The following OXR1 variants were observed in gnomAD, a reference collection of about 807,000 sequenced individuals.
OXR1 encodes oxidation resistance protein 1.
Under a neutral mutation model 104.6 loss-of-function variants are expected in OXR1, and 41 were observed. The observed-to-expected ratio is 0.39, with a 90% CI of 0.31 to 0.51. OXR1 has a LOEUF of 0.51. Among genes scored for constraint, OXR1 ranks in the 20% least tolerant of loss-of-function variants. The pLI is 0.77. For missense variants in OXR1, 955 were observed against 1,031.9 expected (o/e 0.93, Z 1.02); for synonymous variants, 348 against 348.4 (o/e 1.00, Z 0.01).
chr8:106,311,944 C>T (rs1748934066), intron 1 of OXR1, among the ~76,000 whole-genome samples: 1 of 152,044 alleles, frequency 6.6e-6, no homozygotes, highest in South Asian at 2.1e-4. Context: ...TGTTTCCCTT[C>T]TTATTCTCAT....
intron 3 of OXR1, among the ~76,000 whole-genome samples, chr8:106,606,791 T>C (rs1016294219): frequency 6.6e-6 from 1 of 152,094 alleles, no homozygotes; most frequent in African/African-American, 2.4e-5. Context: ...ATTCACAGAT[T>C]CCAGGGATCA....
intron 2 of OXR1, among the ~76,000 whole-genome samples, chr8:106,467,712 AT>A (rs1821249583): frequency 1.3e-5 from 2 of 151,906 alleles, no homozygotes; most frequent in Admixed American, 1.3e-4. Flanking sequence ...CCTTACTTAC[AT>A]GCTTTGCACT....
At chr8:106,364,970 G>A (rs1816404139) in intron 2 of OXR1, among the ~76,000 whole-genome samples, 1 of 152,152 alleles carries the variant, frequency 6.6e-6, no homozygotes, top group Non-Finnish European at 1.5e-5. Context: ...AATGGCAGAG[G>A]AAGTAGAGAC....
intron 3 of OXR1, among the ~76,000 whole-genome samples, chr8:106,598,776 T>C (rs1047712332): frequency 2.6e-5 from 4 of 152,202 alleles, no homozygotes; most frequent in Non-Finnish European, 4.4e-5. Context: ...GGATGAAATT[T>C]TAGTGTAAAC....
intron 2 of OXR1, among the ~76,000 whole-genome samples, chr8:106,489,152 T>G (rs906904112): frequency 6.7e-6 from 1 of 150,088 alleles, no homozygotes; most frequent in African/African-American, 2.5e-5. Flanking sequence ...CCCTTGTAAG[T>G]TGGATTCCTA....
At chr8:106,430,654 T>C (rs1407747189) in intron 2 of OXR1, among the ~76,000 whole-genome samples, 2 of 152,188 alleles carry the variant, frequency 1.3e-5, no homozygotes, top group African/African-American at 2.4e-5. Flanking sequence ...CCTATCATGG[T>C]CTTCCAGTTG....
chr8:106,588,263 ATT>A (rs983307922), intron 3 of OXR1, among the ~76,000 whole-genome samples: 1 of 146,216 alleles, frequency 6.8e-6, no homozygotes, highest in African/African-American at 2.5e-5. Flanking sequence ...CCGGCCAACA[ATT>A]TTTTTTTTTT....
intron 16 of OXR1, among the ~76,000 whole-genome samples, chr8:106,749,535 C>G (rs1366718831): frequency 6.6e-6 from 1 of 151,914 alleles, no homozygotes; most frequent in Non-Finnish European, 1.5e-5. Flanking sequence ...CAAACTCTAC[C>G]CCAGAGAGGT....
chr8:106,443,009 C>T (rs1278936782), intron 2 of OXR1, among the ~76,000 whole-genome samples: 2 of 151,928 alleles, frequency 1.3e-5, no homozygotes, highest in Non-Finnish European at 2.9e-5. Flanking sequence ...GGGTGTTGAT[C>T]TGAGATCATT....
intron 3 of OXR1, among the ~76,000 whole-genome samples, chr8:106,596,545 T>C (rs2130729142): frequency 6.6e-6 from 1 of 152,090 alleles, no homozygotes; most frequent in Middle Eastern, 3.4e-3. Context: ...AGCAAATGAG[T>C]GCAATGGAAG....
At chr8:106,681,921 G>A (rs543823774) in intron 4 of OXR1, among the ~76,000 whole-genome samples, 1 of 152,152 alleles carries the variant, frequency 6.6e-6, no homozygotes. Flanking sequence ...GGTTTAGGAG[G>A]AAGAGGACAG....
intron 3 of OXR1, among the ~76,000 whole-genome samples, chr8:106,654,097 T>G (rs2131033605): frequency 6.6e-6 from 1 of 152,162 alleles, no homozygotes; most frequent in South Asian, 2.1e-4. Context: ...CATCCTTTTG[T>G]TTATAGAAGA....
intron 3 of OXR1, among the ~76,000 whole-genome samples, chr8:106,559,534 G>A (rs1008941646): frequency 1.3e-5 from 2 of 151,946 alleles, no homozygotes; most frequent in Non-Finnish European, 2.9e-5. Context: ...TAATCCACTT[G>A]GACTGCTACA....
At chr8:106,563,279 A>G (rs1445753816) in intron 3 of OXR1, among the ~76,000 whole-genome samples, 1 of 142,970 alleles carries the variant, frequency 7.0e-6, no homozygotes, top group African/African-American at 2.6e-5. Flanking sequence ...AGGAAGATTT[A>G]CCAAGCAAAT....
At chr8:106,678,037 T>G (rs1224826195) in intron 3 of OXR1, among the ~76,000 whole-genome samples, 1 of 152,092 alleles carries the variant, frequency 6.6e-6, no homozygotes, top group Admixed American at 6.6e-5. Flanking sequence ...AAATATTAAC[T>G]TAACACTGTG....
chr8:106,683,173 A>G (rs1828351356), intron 4 of OXR1, 26 bp from the exon 5 acceptor site: 1 of 1,154,014 alleles, frequency 8.7e-7, no homozygotes, highest in Middle Eastern at 2.0e-4. Context: ...TAAACATTGA[A>G]ATAATTTATT....
At chr8:106,300,635 A>G (rs892896165) in intron 1 of OXR1, among the ~76,000 whole-genome samples, 8 of 152,174 alleles carry the variant, frequency 5.3e-5, no homozygotes, top group Non-Finnish European at 1.0e-4. Context: ...AAGGCATTCA[A>G]TGACTCATGT....
At chr8:106,670,698 G>A (rs965350934) in intron 3 of OXR1, among the ~76,000 whole-genome samples, 3 of 152,048 alleles carry the variant, frequency 2.0e-5, no homozygotes, top group African/African-American at 7.3e-5. Flanking sequence ...AAGTCAAAAG[G>A]GAATGTTCAG....
intron 1 of OXR1, among the ~76,000 whole-genome samples, chr8:106,274,585 G>A (rs1360877158): frequency 6.8e-6 from 1 of 147,904 alleles, no homozygotes; most frequent in Non-Finnish European, 1.5e-5. Flanking sequence ...AGACTCTGGG[G>A]CACCCAGCAA....
Sources: gnomAD v4.1 joint callset for allele counts (sites outside exome capture counted in the v4.1 genomes callset) on GRCh38, gnomAD v4.1.1 for gene constraint, MANE v1.5 for transcripts, NCBI Gene and HGNC (gene_info 2026-07-23, HGNC 2026-07-21) for gene names.